The following GBP3 variants were observed in gnomAD, a reference collection of about 807,000 sequenced individuals.
GBP3 encodes guanylate binding protein 3, also known as guanylate-binding protein 3.
A neutral mutation model predicts 62.4 loss-of-function variants in GBP3; 55 were observed. The observed-to-expected ratio is 0.88, with a 90% CI of 0.71 to 1.10. GBP3 has a LOEUF of 1.10. Among genes scored for constraint, GBP3 ranks in the 50% least tolerant of loss-of-function variants. GBP3 has a pLI of 0.00. For missense variants in GBP3, 605 were observed against 690.6 expected (o/e 0.88, Z 1.39); for synonymous variants, 208 against 259.2 (o/e 0.80, Z 1.90).
Position 89,010,861 on chromosome 1 carries a change from T to G in GBP3, c.1362+43A>C, listed in dbSNP as rs749267299. 11 of 1,461,198 alleles carry G rather than the reference T, an allele frequency of 7.5e-6. 1 individual carries two copies. Among genetic ancestry groups the G allele is most frequent in the Non-Finnish European group, 9.5e-6 (10 of 1,054,576 alleles). 90.5% of individuals were successfully genotyped at this position (1,461,198 alleles called of 1,614,324 possible). ...TGGTCACTTTGGTGTTCGTAGGAGG[T>G]AGGTCAGCAGGTTTCCATAATCGAC... On this transcript the variant is annotated intron_variant, in intron 8 of 10. Transcript: ENST00000370481.
intron 8 of GBP3, among the ~76,000 whole-genome samples, chr1:89,009,888 G>A (rs1426104769): frequency 6.6e-6 from 1 of 152,116 alleles, no homozygotes; most frequent in Non-Finnish European, 1.5e-5. Context: ...AGGATATCAG[G>A]CAGAGAGACA....
intron 10 of GBP3, 159 bp downstream of exon 10, chr1:89,008,788 G>A: frequency 7.3e-7 from 1 of 1,376,814 alleles, no homozygotes; most frequent in Non-Finnish European, 9.7e-7. Context: ...CATGTAGGCA[G>A]TGGCCATTTC....
intron 1 of GBP3, among the ~76,000 whole-genome samples, chr1:89,021,788 T>TGAGAGAGAGAGAGAGAGAGAGAGAGAGA (rs146229731): frequency 4.6e-5 from 3 of 65,360 alleles, no homozygotes; most frequent in African/African-American, 1.4e-4. Flanking sequence ...GCTGGAAAGA[T>TGAGAGAGAGAGAGAGAGAGAGAGAGAGA]GAGAGAGAGA....
At chr1:89,009,334 A>T in intron 9 of GBP3, 58 bp downstream of exon 9, 1 of 1,556,088 alleles carries the variant, frequency 6.4e-7, no homozygotes, top group Admixed American at 1.9e-5. Context: ...AAAATTTGAA[A>T]AATTATTTAA....
chr1:89,020,467 A>T (rs751445810), intron 2 of GBP3, 65 bp downstream of exon 2: 1 of 1,588,852 alleles, frequency 6.3e-7, no homozygotes, highest in South Asian at 1.1e-5. Context: ...TCACATCCTC[A>T]TAATGGATGC....
chr1:89,013,461 T>G (rs1336112834), intron 5 of GBP3, 34 bp from the exon 6 acceptor site: 2 of 1,581,482 alleles, frequency 1.3e-6, no homozygotes, highest in Non-Finnish European at 1.7e-6. Context: ...TTGCCTAATA[T>G]AAGTGTTTCC....
rs117201204 is a variant in GBP3 at position 89,020,687 on chromosome 1, C to T, written c.35G>A (p.Cys12Tyr). The change falls in exon 2 of 11, where the codon TGC (cysteine) becomes TAC (tyrosine). Residue 12 changes from cysteine (C) to tyrosine (Y), a missense_variant. Cys to Tyr is a radical substitution (Grantham distance 194). Transcript: ENST00000370481. ...APEIHMTGPM[C>Y]LIENTNGELV... is the part of the protein sequence containing the mutation. ...TTCCCCATTAGTGTTCTCAATGAGG[C>T]ACATTGGGCCTGTCATGTGGATCTC... 1.5e-4 allele frequency: 240 copies of T among 1,614,100 alleles called. 2 individuals carry two copies. In the East Asian group the frequency reaches 4.6e-3, roughly 31 times the overall value.
chr1:89,014,212 A>C lies in GBP3; in HGVS notation c.496T>G (p.Ser166Ala), dbSNP rs1478198353. ...GGGAAGAAGCTCACAAAGTCAGCTGAATCCTCATTCTCATTCTCATCAGGT... is the reference window on the plus strand; with the variant it reads ...GGGAAGAAGCTCACAAAGTCAGCTGCATCCTCATTCTCATTCTCATCAGGT... Reference protein sequence around the residue: ...SSPDENENEDSADFVSFFPDF... With the variant: ...SSPDENENEDAADFVSFFPDF... The change falls in exon 5 of 11, where the codon TCA (serine) becomes GCA (alanine). Residue 166 changes from serine to alanine, a missense_variant. Transcript: ENST00000370481. 1 of 1,614,216 alleles carries C rather than the reference A, an allele frequency of 6.2e-7. No individual in the cohort carries two copies. Among genetic ancestry groups the C allele is most frequent in the Non-Finnish European group, 8.5e-7 (1 of 1,180,036 alleles).
intron 2 of GBP3, among the ~76,000 whole-genome samples, chr1:89,018,790 G>C (rs1413026574): frequency 1.3e-5 from 2 of 152,058 alleles, no homozygotes; most frequent in Non-Finnish European, 2.9e-5. Context: ...AATAATAAAT[G>C]CTGGCATATC....
At chr1:89,014,742 G>C in intron 3 of GBP3, 86 bp from the exon 4 acceptor site, 1 of 1,534,550 alleles carries the variant, frequency 6.5e-7, no homozygotes, top group Non-Finnish European at 8.9e-7. Flanking sequence ...TATATCATAA[G>C]TTAGAGTTTT....
In GBP3 at chr1:89,014,556, T is replaced by C. The variant is rs746541309; in HGVS notation, c.419A>G (p.Asp140Gly). The change falls in exon 4 of 11, where the codon GAC becomes GGC. Residue 140 changes from aspartate to glycine, a missense_variant. Transcript: ENST00000370481. ...GGTCACAAAAGGATACTACAGTTGG[T>C]CCATAGCCTGCTGGTTGATGGTTCC... ...SMGTINQQAM[D>G]QLYYVTELTH... The C allele has an allele frequency of 6.2e-7, 1 of 1,614,088 alleles. No individual in the cohort carries two copies. The highest frequency in any genetic ancestry group is 2.2e-5 in the East Asian group (1 of 44,874).
chr1:89,020,152 T>C, intron 2 of GBP3: 1 of 392,922 alleles, frequency 2.5e-6, no homozygotes, highest in East Asian at 7.3e-5. Flanking sequence ...GGTGAGAGGA[T>C]TGCTTGAGCC....
In GBP3 at chr1:89,014,062, T is replaced by C. The variant is rs777116554; in HGVS notation, c.625+21A>G. On this transcript the variant is annotated intron_variant, in intron 5 of 10. Transcript: ENST00000370481. Reference sequence around the variant, plus strand: ...TCTAGTGTTTTGTCGTCCTCATTTATCAATGGTACGTCTCTGTTACCTTGC... The same window carrying C: ...TCTAGTGTTTTGTCGTCCTCATTTACCAATGGTACGTCTCTGTTACCTTGC... 4 of 1,609,188 alleles carry C rather than the reference T, an allele frequency of 2.5e-6. No homozygotes were observed. In the Admixed American group the frequency reaches 5.0e-5, roughly 20 times the overall value.
Position 89,020,616 on chromosome 1 carries a change from G to A in GBP3, c.106C>T (p.Gln36Ter). The change falls in exon 2 of 11, where the codon CAG becomes TAG. Residue 36 changes from glutamine to a stop codon, truncating the protein, a stop_gained. Coordinates refer to ENST00000370481, the MANE Select transcript of GBP3 (RefSeq NM_018284.3). LOFTEE classifies it high-confidence loss of function. ...ACAATTGCCACCACCACCACAGGCT[G>A]TGTAATGGCAGACAGGATTTTCAGA... is the stretch of plus-strand genomic sequence containing the variant. ...EALKILSAITQPVVVVAIVGL... is the reference protein window; with the variant it reads ...EALKILSAIT 6.2e-7 allele frequency: 1 copy of A among 1,614,200 alleles called. No homozygotes were observed. The highest frequency in any genetic ancestry group is 8.5e-7 in the Non-Finnish European group (1 of 1,180,022).
chr1:89,014,383 G>A, intron 4 of GBP3, 104 bp from the exon 5 acceptor site: 2 of 1,597,536 alleles, frequency 1.3e-6, no homozygotes, highest in Non-Finnish European at 1.7e-6. Context: ...CCTAACCTAA[G>A]TGTCAATTCT....
intron 8 of GBP3, 102 bp downstream of exon 8, chr1:89,010,802 C>T (rs1678516229): frequency 7.4e-7 from 1 of 1,354,338 alleles, no homozygotes; most frequent in East Asian, 2.3e-5. Flanking sequence ...GAATGTTATA[C>T]AGACAAAAAA....
intron 2 of GBP3, among the ~76,000 whole-genome samples, chr1:89,016,648 C>G (rs1251312215): frequency 1.3e-5 from 2 of 151,992 alleles, no homozygotes; most frequent in Non-Finnish European, 2.9e-5. Context: ...GATCACTGAT[C>G]ACTGTAGTCT....
At position 89,007,672 on chromosome 1, in the gene GBP3, TAAA is replaced by T; in HGVS notation, c.*49_*51del. The T allele has an allele frequency of 6.5e-7, 1 of 1,547,392 alleles. No individual in the cohort carries two copies. Among genetic ancestry groups the T allele is most frequent in the East Asian group, 2.3e-5 (1 of 44,134 alleles). On this transcript the variant is annotated 3_prime_UTR_variant, in exon 11 of 11. Transcript: ENST00000370481. ...ATATAGTGACACTTGTTCCAAATTC[TAAA>T]ATTGTTTCAGTTATGCCTTGGGTTA...
At position 89,009,441 on chromosome 1, in the gene GBP3, T is replaced by C; in HGVS notation, c.1416A>G (p.Ala472=). The C allele has an allele frequency of 6.2e-7, 1 of 1,614,200 alleles. No homozygotes were observed. The highest frequency in any genetic ancestry group is 8.5e-7 in the Non-Finnish European group (1 of 1,180,012). Residue 472 remains alanine, a synonymous_variant, in exon 9 of 11, where the codon GCA becomes GCG. Coordinates refer to ENST00000370481, the MANE Select transcript of GBP3 (RefSeq NM_018284.3). ...YLKSKESVTD[A]ILQTDQILTE... ...TGAGAATCTGGTCTGTCTGTAGAAT[T>C]GCATCGGTCACAGACTCCTTGGATT...
Sources: allele counts gnomAD v4.1 joint callset (sites outside exome capture counted in the v4.1 genomes callset), GRCh38; gene constraint gnomAD v4.1.1; transcripts MANE v1.5; gene names NCBI Gene and HGNC (gene_info 2026-07-23, HGNC 2026-07-21).